Variants in NPIPB7 observed in about 807,000 individuals in gnomAD.
NPIPB7 encodes the protein nuclear pore complex interacting protein family member B7.
For missense variants in NPIPB7, 14 were observed against 238.5 expected (o/e 0.06, Z 6.20); for synonymous variants, 9 against 88.1 (o/e 0.10, Z 5.03).
At chr16:28,462,277 G>T (rs2045876345) in intron 4 of NPIPB7, among the ~76,000 whole-genome samples, 1 of 146,876 alleles carries the variant, frequency 6.8e-6, no homozygotes, top group South Asian at 2.1e-4. Context: ...AAAATTAGCT[G>T]GGCGTGGTGG....
chr16:28,470,547 G>C lies in NPIPB7; in HGVS notation c.-109C>G, dbSNP rs371249939. Reference sequence around the variant, plus strand: ...ACCGGGGCCGGATCTGAGTTGGGGCGGGGGAGGGGAGGGGGAGGGGAAGGG... The same window carrying C: ...ACCGGGGCCGGATCTGAGTTGGGGCCGGGGAGGGGAGGGGGAGGGGAAGGG... On this transcript the variant is annotated 5_prime_UTR_variant, in exon 1 of 7. Transcript: ENST00000452313. 1,380 of 174,236 alleles carry C rather than the reference G, an allele frequency of 7.9e-3. 57 individuals are homozygous for C. In the East Asian group the frequency reaches 0.14, roughly 17 times the overall value. The allele number at this position is 174,236 out of a possible 1,614,324, so 10.8% of individuals were successfully genotyped here.
chr16:28,462,152 G>T (rs1482680942), intron 4 of NPIPB7, among the ~76,000 whole-genome samples: 1 of 150,656 alleles, frequency 6.6e-6, no homozygotes, highest in Non-Finnish European at 1.5e-5. Context: ...GGGTGTGGTG[G>T]CTCACGCCTC....
intron 4 of NPIPB7, among the ~76,000 whole-genome samples, chr16:28,462,032 G>A (rs1483477027): frequency 4.7e-5 from 7 of 147,702 alleles, no homozygotes; most frequent in African/African-American, 1.5e-4. Flanking sequence ...AGGCAGAATT[G>A]CTTCAAACTG....
At chr16:28,471,919 A>G (rs1012927829), upstream of NPIPB7, among the ~76,000 whole-genome samples, 1 of 152,260 alleles carries the variant, frequency 6.6e-6, no homozygotes, top group African/African-American at 2.4e-5. Context: ...AGTCCCAGAT[A>G]CTTGGTAGGC....
intron 1 of NPIPB7, chr16:28,469,882 C>G (rs1323357111): frequency 1.1e-5 from 3 of 277,474 alleles, no homozygotes; most frequent in African/African-American, 7.2e-5. Flanking sequence ...TGAGGCAGGA[C>G]AATTGCTTGA....
chr16:28,470,186 T>G (rs1213317494), intron 1 of NPIPB7, among the ~76,000 whole-genome samples, 187 bp downstream of exon 1: 2 of 133,076 alleles, frequency 1.5e-5, no homozygotes, highest in Non-Finnish European at 3.1e-5. Context: ...TAATCTTTTT[T>G]GGAATTTTTT....
At chr16:28,468,324 G>GT (rs2045917482) in intron 1 of NPIPB7, among the ~76,000 whole-genome samples, 1 of 106,322 alleles carries the variant, frequency 9.4e-6, no homozygotes, top group African/African-American at 3.9e-5. Context: ...TTATTTACTT[G>GT]TTTTTTAAAT....
chr16:28,471,900 C>G (rs1047407968), upstream of NPIPB7, among the ~76,000 whole-genome samples: 4 of 152,150 alleles, frequency 2.6e-5, no homozygotes, highest in Non-Finnish European at 4.4e-5. Context: ...CATGGTGGCA[C>G]CTGCCTGTAG....
chr16:28,464,456 T>C, intron 2 of NPIPB7, among the ~76,000 whole-genome samples: 1 of 152,106 alleles, frequency 6.6e-6, no homozygotes, highest in African/African-American at 2.4e-5. Context: ...CCATCTCAGA[T>C]GTGGGTCAGA....
intron 2 of NPIPB7, among the ~76,000 whole-genome samples, chr16:28,463,843 T>C (rs1480094866): frequency 5.5e-5 from 7 of 127,136 alleles, no homozygotes; most frequent in African/African-American, 1.9e-4. Context: ...GAGACCATCC[T>C]GGGCAACATG....
upstream of NPIPB7, among the ~76,000 whole-genome samples, chr16:28,472,160 C>A (rs970786113): frequency 6.6e-6 from 1 of 152,208 alleles, no homozygotes; most frequent in East Asian, 1.9e-4. Context: ...CGCCTGTAAT[C>A]CCAGTATCTC....
At chr16:28,467,556 AT>A (rs1270182923) in intron 1 of NPIPB7, among the ~76,000 whole-genome samples, 234 of 137,160 alleles carry the variant, frequency 1.7e-3, no homozygotes, top group African/African-American at 5.4e-3. Context: ...GTGCCCAGCC[AT>A]TTTTTTTTGT....
At chr16:28,461,641 CT>C (rs1171383674) in intron 4 of NPIPB7, among the ~76,000 whole-genome samples, 3 of 149,972 alleles carry the variant, frequency 2.0e-5, no homozygotes, top group Admixed American at 6.6e-5. Context: ...TGGTGAACCC[CT>C]GTCTCTACTA....
At chr16:28,462,417 A>G (rs908494343) in intron 4 of NPIPB7, among the ~76,000 whole-genome samples, 1 of 148,964 alleles carries the variant, frequency 6.7e-6, no homozygotes, top group Non-Finnish European at 1.5e-5. Flanking sequence ...ATCTCAGGAA[A>G]AAAAAAAAAA....
chr16:28,461,951 A>C (rs1486716308), intron 4 of NPIPB7, among the ~76,000 whole-genome samples: 3 of 133,850 alleles, frequency 2.2e-5, no homozygotes, highest in East Asian at 2.1e-4. Context: ...CTGTCTCAAA[A>C]AAAAAAAAAA....
At chr16:28,469,728 C>T (rs2045929547) in intron 1 of NPIPB7, 11 of 399,968 alleles carry the variant, frequency 2.8e-5, no homozygotes, top group South Asian at 2.0e-4. Flanking sequence ...GTGGCTCACG[C>T]CTGTAATCCC....
At chr16:28,459,045 CAAAAACAAAAAA>C (rs2045857807) in intron 4 of NPIPB7, among the ~76,000 whole-genome samples, 3 of 110,150 alleles carry the variant, frequency 2.7e-5, no homozygotes, top group East Asian at 4.8e-4. Flanking sequence ...AAAACAAAAA[CAAAAACAAAAAA>C]ACTGTACGGT....
chr16:28,470,544 G>T (rs2045939877), exon 1 of NPIPB7: 1 of 191,618 alleles, frequency 5.2e-6, no homozygotes, highest in African/African-American at 7.4e-5. Context: ...TCTGAGTTGG[G>T]GCGGGGGAGG....
intron 2 of NPIPB7, among the ~76,000 whole-genome samples, chr16:28,463,606 G>T (rs1185453832): frequency 6.9e-6 from 1 of 145,060 alleles, no homozygotes; most frequent in Non-Finnish European, 1.5e-5. Flanking sequence ...CATGCCTGTA[G>T]TCCCAGCTAG....
Sources: allele counts gnomAD v4.1 joint callset (sites outside exome capture counted in the v4.1 genomes callset), GRCh38; gene constraint gnomAD v4.1.1; transcripts MANE v1.5; gene names NCBI Gene and HGNC (gene_info 2026-07-23, HGNC 2026-07-21).